HTR2A: variants seen among roughly 807,000 people sequenced by gnomAD.
HTR2A encodes 5-HT2 receptor.
HTR2A carries 14 observed loss-of-function variants against 31.0 expected under a neutral mutation model. The observed-to-expected ratio is 0.45, with a 90% CI of 0.30 to 0.71. HTR2A has a LOEUF of 0.71. Ranked by LOEUF, HTR2A falls within the 30% of genes least tolerant of loss-of-function variation. The probability of loss-of-function intolerance (pLI) is 0.09; values close to 1 mark genes in which losing one functional copy is unlikely to be tolerated. For synonymous variants in HTR2A, 209 were observed against 225.2 expected, an observed-to-expected ratio of 0.93 and a Z score of 0.64; for missense variants, 442 against 573.3, an observed-to-expected ratio of 0.77 and a Z score of 2.34.
At chr13:46,897,966 G>A (rs1016736103), upstream of HTR2A, among the ~76,000 whole-genome samples, 4 of 152,122 alleles carry the variant, frequency 2.6e-5, no homozygotes, top group African/African-American at 9.7e-5. Context: ...TGGCTTGCAT[G>A]ATGGAATCAC....
At chr13:46,875,679 CA>C (rs1485274143) in intron 3 of HTR2A, among the ~76,000 whole-genome samples, 6 of 152,190 alleles carry the variant, frequency 3.9e-5, no homozygotes, top group Non-Finnish European at 5.9e-5. Flanking sequence ...CAAGGAGGAT[CA>C]TCATAAAATG....
At chr13:46,846,672 A>C (rs1330431828) in intron 3 of HTR2A, among the ~76,000 whole-genome samples, 1 of 152,156 alleles carries the variant, frequency 6.6e-6, no homozygotes, top group Non-Finnish European at 1.5e-5. Flanking sequence ...ATGGGTGTGC[A>C]ATGTCATATT....
chr13:46,836,933 G>A (rs557949220), intron 3 of HTR2A, among the ~76,000 whole-genome samples: 13 of 152,188 alleles, frequency 8.5e-5, no homozygotes, highest in African/African-American at 3.1e-4. Context: ...TTTAGTAGTA[G>A]AGCATTCATA....
chr13:46,872,405 A>G (rs1950869230), intron 3 of HTR2A, among the ~76,000 whole-genome samples: 1 of 152,246 alleles, frequency 6.6e-6, no homozygotes, highest in African/African-American at 2.4e-5. Flanking sequence ...ATATGAAAAC[A>G]TTAGTTTAAT....
intron 3 of HTR2A, among the ~76,000 whole-genome samples, chr13:46,839,362 T>G (rs890581209): frequency 6.6e-6 from 1 of 152,126 alleles, no homozygotes; most frequent in Non-Finnish European, 1.5e-5. Flanking sequence ...AAATTTTATG[T>G]CAAAAAACTT....
chr13:46,882,906 A>G (rs1409477724), intron 3 of HTR2A, among the ~76,000 whole-genome samples: 1 of 152,184 alleles, frequency 6.6e-6, no homozygotes, highest in East Asian at 1.9e-4. Flanking sequence ...CAGAAACCAT[A>G]ATGTAGGTTC....
chr13:46,855,004 A>G (rs1247357230), intron 3 of HTR2A, among the ~76,000 whole-genome samples: 1 of 152,192 alleles, frequency 6.6e-6, no homozygotes. Flanking sequence ...CATTATGTGA[A>G]GATGAAGGCA....
At chr13:46,893,331 G>A (rs1401043099) in intron 2 of HTR2A, among the ~76,000 whole-genome samples, 1 of 152,226 alleles carries the variant, frequency 6.6e-6, no homozygotes, top group Non-Finnish European at 1.5e-5. Flanking sequence ...CTGGACCTCC[G>A]TCCAGAGGTT....
intron 3 of HTR2A, among the ~76,000 whole-genome samples, chr13:46,864,335 C>T (rs1037542372): frequency 3.9e-5 from 6 of 152,106 alleles, no homozygotes; most frequent in African/African-American, 1.4e-4. Context: ...ATAATCTGTA[C>T]AACAAACTTG....
At chr13:46,849,661 T>C (rs1331892343) in intron 3 of HTR2A, among the ~76,000 whole-genome samples, 2 of 152,224 alleles carry the variant, frequency 1.3e-5, no homozygotes, top group Non-Finnish European at 2.9e-5. Flanking sequence ...GATATTACCA[T>C]GGCTGGCTTC....
In HTR2A at chr13:46,835,040, G is replaced by GT. The variant is rs750816290; in HGVS notation, c.1212dup (p.Pro405ThrfsTer18). On this transcript the variant is annotated frameshift_variant, in exon 4 of 4. Transcript: ENST00000542664. LOFTEE classifies it high-confidence loss of function. ...GTGTTCACTAAAATTAACTGCAATGGTTTTTTGTTTTCCTTGTACTGACAC... is the reference window on the plus strand; with the variant it reads ...GTGTTCACTAAAATTAACTGCAATGGTTTTTTTGTTTTCCTTGTACTGACAC... 6.2e-7 allele frequency: 1 copy of GT among 1,614,110 alleles called. No individual in the cohort carries two copies. Among genetic ancestry groups the GT allele is most frequent in the South Asian group, 1.1e-5 (1 of 91,080 alleles).
At chr13:46,869,842 A>G (rs566669362) in intron 3 of HTR2A, among the ~76,000 whole-genome samples, 1 of 152,304 alleles carries the variant, frequency 6.6e-6, no homozygotes, top group African/African-American at 2.4e-5. Flanking sequence ...CTTGTATAAA[A>G]TATCTGGAAC....
chr13:46,896,187 G>T lies in HTR2A; in HGVS notation c.-281C>A. On this transcript the variant is annotated 5_prime_UTR_variant, in exon 2 of 4. Transcript: ENST00000542664. ...GACAAAAAAGCAGAATGAACTTTTAGCATAGAGGTTGCAGGGTTTTTTTTG... is the reference window on the plus strand; with the variant it reads ...GACAAAAAAGCAGAATGAACTTTTATCATAGAGGTTGCAGGGTTTTTTTTG... The T allele has an allele frequency of 8.4e-7, 1 of 1,187,642 alleles. No homozygotes were observed. The highest frequency in any genetic ancestry group is 1.0e-6 in the Non-Finnish European group (1 of 960,660). 73.6% of individuals were successfully genotyped at this position (1,187,642 alleles called of 1,614,324 possible).
At chr13:46,880,828 G>A (rs539472401) in intron 3 of HTR2A, among the ~76,000 whole-genome samples, 3 of 151,218 alleles carry the variant, frequency 2.0e-5, no homozygotes, top group African/African-American at 7.3e-5. Flanking sequence ...GACAGAGGGA[G>A]ACTCTGTCTC....
At chr13:46,875,992 T>A (rs1180378814) in intron 3 of HTR2A, among the ~76,000 whole-genome samples, 1 of 152,236 alleles carries the variant, frequency 6.6e-6, no homozygotes, top group Non-Finnish European at 1.5e-5. Flanking sequence ...ACATTCTGAT[T>A]TTAGAAAACT....
intron 3 of HTR2A, among the ~76,000 whole-genome samples, chr13:46,857,297 T>A (rs371832802): frequency 7.5e-6 from 1 of 133,520 alleles, no homozygotes. Context: ...GACTCCATCT[T>A]AAAAAAAAAA....
At chr13:46,839,369 A>G (rs1950582335) in intron 3 of HTR2A, among the ~76,000 whole-genome samples, 1 of 152,160 alleles carries the variant, frequency 6.6e-6, no homozygotes, top group Admixed American at 6.6e-5. Flanking sequence ...ATGTCAAAAA[A>G]CTTAGAACAC....
At chr13:46,843,396 CTA>C (rs1030129347) in intron 3 of HTR2A, among the ~76,000 whole-genome samples, 2 of 152,154 alleles carry the variant, frequency 1.3e-5, no homozygotes, top group Non-Finnish European at 2.9e-5. Context: ...TAAGGGGAAA[CTA>C]TTGTACTGCA....
Position 46,839,830 on chromosome 13 carries a change from T to C in HTR2A, c.614-4191A>G, listed in dbSNP as rs549522326. Among the ~76,000 whole-genome samples, 7 of 152,306 alleles carry C rather than the reference T, an allele frequency of 4.6e-5. No homozygotes were observed. The East Asian group carries it at 1.4e-3, about 29-fold the overall frequency. On this transcript the variant is annotated intron_variant, in intron 3 of 3. Coordinates refer to ENST00000542664, the MANE Select transcript of HTR2A (RefSeq NM_000621.5). ...TCTGCTTACTTCCTGCACATAAACT[T>C]TGCACCTCTAGTTAACATCTTACCA...
Sources: gnomAD v4.1 joint callset for allele counts (sites outside exome capture counted in the v4.1 genomes callset) on GRCh38, gnomAD v4.1.1 for gene constraint, MANE v1.5 for transcripts, NCBI Gene and HGNC (gene_info 2026-07-23, HGNC 2026-07-21) for gene names.